SPAG9: variants seen among roughly 807,000 people sequenced by gnomAD.
SPAG9 encodes the protein C-Jun-amino-terminal kinase-interacting protein 4.
In SPAG9, 35 loss-of-function variants were observed where a neutral mutation model predicts 166.5. The ratio of observed to expected loss-of-function variants is 0.21; its 90% CI spans 0.16 to 0.28. SPAG9 has a LOEUF of 0.28. Ranked by LOEUF, SPAG9 falls within the 10% of genes least tolerant of loss-of-function variation. SPAG9 has a pLI of 1.00. For synonymous variants in SPAG9, 534 were observed against 565.5 expected, an observed-to-expected ratio of 0.94 and a Z score of 0.79; for missense variants, 1,235 against 1,603.3, an observed-to-expected ratio of 0.77 and a Z score of 3.92.
At chr17:51,040,999 A>T (rs2046817026) in intron 5 of SPAG9, among the ~76,000 whole-genome samples, 1 of 152,220 alleles carries the variant, frequency 6.6e-6, no homozygotes, top group Non-Finnish European at 1.5e-5. Flanking sequence ...GGTCAAGAAC[A>T]TATCTATAAT....
At chr17:51,043,838 A>G (rs1176520455) in intron 4 of SPAG9, among the ~76,000 whole-genome samples, 2 of 152,208 alleles carry the variant, frequency 1.3e-5, no homozygotes, top group Non-Finnish European at 2.9e-5. Flanking sequence ...TTCACACATA[A>G]CAAATATTGA....
intron 9 of SPAG9, among the ~76,000 whole-genome samples, chr17:51,009,881 T>C (rs2045393572): frequency 6.6e-6 from 1 of 152,162 alleles, no homozygotes; most frequent in African/African-American, 2.4e-5. Flanking sequence ...AGAGTTATCT[T>C]AATATATGGT....
chr17:51,041,772 T>C (rs2046847564), intron 4 of SPAG9, 121 bp from the exon 5 acceptor site: 1 of 871,538 alleles, frequency 1.1e-6, no homozygotes, highest in Admixed American at 2.2e-5. Context: ...AATGACACTG[T>C]CTGCCCATCT....
chr17:51,111,792 G>A (rs563385416), intron 1 of SPAG9, among the ~76,000 whole-genome samples: 4 of 151,948 alleles, frequency 2.6e-5, no homozygotes, highest in South Asian at 4.1e-4. Flanking sequence ...TAGTAGAGAC[G>A]GGGTTTCACC....
intron 5 of SPAG9, among the ~76,000 whole-genome samples, chr17:51,035,858 AC>A (rs1178200114): frequency 6.6e-6 from 1 of 152,192 alleles, no homozygotes; most frequent in Non-Finnish European, 1.5e-5. Context: ...AGAAAAAAAT[AC>A]TTTTTTGGAG....
rs143293102 is a variant in SPAG9, at chr17:51,030,817, T to C, written c.783+864A>G. 1.6e-4 allele frequency: 25 copies of C among 152,192 alleles called. No homozygotes were observed. The East Asian group carries it at 4.8e-3, about 29-fold the overall frequency. 9.4% of individuals were successfully genotyped at this position (152,192 alleles called of 1,614,324 possible). On this transcript the variant is annotated intron_variant, in intron 6 of 29. Coordinates refer to ENST00000262013, the MANE Select transcript of SPAG9 (RefSeq NM_001130528.3). ...CACTGTTGATGCTAGAGGGCTTCCA[T>C]GGACCCAGGTCAACCCCTGACCTAG...
chr17:50,994,003 G>T, intron 18 of SPAG9, 68 bp from the exon 19 acceptor site: 2 of 1,376,394 alleles, frequency 1.5e-6, no homozygotes, highest in Non-Finnish European at 2.0e-6. Flanking sequence ...AGGTGGTGCT[G>T]TTACAGTAAA....
At chr17:50,997,079 T>C (rs1398081536) in intron 15 of SPAG9, among the ~76,000 whole-genome samples, 1 of 152,176 alleles carries the variant, frequency 6.6e-6, no homozygotes, top group African/African-American at 2.4e-5. Context: ...GAGGTTGCAG[T>C]GAGCCAAGAT....
rs1051557849 is a variant in SPAG9, at chr17:51,022,839, A to G, written c.784-1474T>C. On this transcript the variant is annotated intron_variant, in intron 6 of 29. Coordinates refer to ENST00000262013, the MANE Select transcript of SPAG9 (RefSeq NM_001130528.3). ...GTGGCGCATGCCTGCAATTCCAGCT[A>G]CTCGGGAGGCTGAGGCAGGAGAAAC... 6.4e-4 allele frequency among the ~76,000 whole-genome samples: 97 copies of G among 150,862 alleles called. 1 individual carries two copies. The highest frequency in any genetic ancestry group is 6.2e-3 in the Admixed American group (94 of 15,106).
chr17:51,048,566 C>T (rs893355135), intron 3 of SPAG9, among the ~76,000 whole-genome samples: 8 of 151,662 alleles, frequency 5.3e-5, no homozygotes, highest in African/African-American at 1.9e-4. Flanking sequence ...GCATTTCAAT[C>T]TCTTTATAAC....
At chr17:50,990,757 T>C in intron 19 of SPAG9, 89 bp from the exon 20 acceptor site, 1 of 1,015,304 alleles carries the variant, frequency 9.8e-7, no homozygotes. Context: ...GAAATGAGAG[T>C]TATGCAGGTG....
chr17:51,113,052 T>C (rs1367285895), intron 1 of SPAG9, among the ~76,000 whole-genome samples: 1 of 142,448 alleles, frequency 7.0e-6, no homozygotes, highest in East Asian at 2.1e-4. Context: ...TTTTTAAAAA[T>C]ATGAAAAAAT....
At chr17:50,981,946 T>C (rs537076816) in intron 25 of SPAG9, among the ~76,000 whole-genome samples, 61 of 151,566 alleles carry the variant, frequency 4.0e-4, no homozygotes, top group African/African-American at 1.4e-3. Context: ...GGCAGAAGAA[T>C]TGCTTGAACC....
In SPAG9 at chr17:50,987,155, T is replaced by C; in HGVS notation, c.2896A>G (p.Ser966Gly). ...AGCCACATAGTTGGTAAAAGACTAC[T>C]CATTTTCTGGGCTTCTTCTCTCACC... ...DLVREEAQKM[S>G]SLLPTMWLGA... Residue 966 changes from serine to glycine, a missense_variant, in exon 22 of 30, where the codon AGT becomes GGT. Transcript: ENST00000262013. 6.2e-7 allele frequency: 1 copy of C among 1,613,576 alleles called. No individual in the cohort carries two copies. Among genetic ancestry groups the C allele is most frequent in the Middle Eastern group, 1.7e-4 (1 of 6,058 alleles).
intron 1 of SPAG9, among the ~76,000 whole-genome samples, chr17:51,082,267 C>T (rs1255169110): frequency 2.0e-5 from 3 of 148,238 alleles, no homozygotes; most frequent in South Asian, 2.2e-4. Context: ...CCCAGCTACT[C>T]GGGAGGCTGA....
rs754830184 is a variant in SPAG9, at chr17:50,985,713, G to A, written c.3005C>T (p.Ser1002Leu). 1.4e-5 allele frequency: 23 copies of A among 1,593,890 alleles called. No homozygotes were observed. Among genetic ancestry groups the A allele is most frequent in the Non-Finnish European group, 1.9e-5 (22 of 1,163,116 alleles). The change falls in exon 23 of 30, where the codon TCG (serine) becomes TTG (leucine). Residue 1002 changes from serine to leucine, a missense_variant. Physicochemically the swap from Ser to Leu is moderately radical, Grantham distance 145 (BLOSUM62 -2). Around this residue, in one of 6 missense-constraint regions of SPAG9, gnomAD observed 493 missense variants for 559.4 expected, o/e 0.88. Transcript: ENST00000262013. ...KCLHSIKLKD[S>L]ILSIVHVKGI... ...TAAAACTTACACAATACTGAGAATC[G>A]AATCTTTAAGTTTAATGGAATGGAG...
At position 50,983,525 on chromosome 17, in the gene SPAG9, A is replaced by T. The variant is rs114622165; in HGVS notation, c.3089-853T>A. On this transcript the variant is annotated intron_variant, in intron 24 of 29. Transcript: ENST00000262013. ...CTTTGAGGCTTAAGGCATTAAACTC[A>T]TATTGAGTTTATAGTCAACCTTTAG... Among the ~76,000 whole-genome samples the T allele has an allele frequency of 9.0e-3, 1,371 of 152,346 alleles. 24 individuals are homozygous for T. The highest frequency in any genetic ancestry group is 0.032 in the African/African-American group (1,319 of 41,568).
intron 29 of SPAG9, among the ~76,000 whole-genome samples, chr17:50,968,884 C>T (rs1383786156): frequency 6.6e-6 from 1 of 152,094 alleles, no homozygotes; most frequent in Admixed American, 6.6e-5. Context: ...CTCTAATGAT[C>T]TTTAAATGGA....
At chr17:50,971,929 G>A (rs776113881) in intron 28 of SPAG9, among the ~76,000 whole-genome samples, 2 of 151,884 alleles carry the variant, frequency 1.3e-5, no homozygotes, top group African/African-American at 2.4e-5. Context: ...CACAACGCCC[G>A]GCTAATTTTT....
Sources: gnomAD v4.1 joint callset for allele counts (sites outside exome capture counted in the v4.1 genomes callset) on GRCh38, gnomAD v4.1.1 for gene constraint, gnomAD v4.1.1 regional missense constraint, MANE v1.5 for transcripts, NCBI Gene and HGNC (gene_info 2026-07-23, HGNC 2026-07-21) for gene names.